RNF216: variants seen among roughly 807,000 people sequenced by gnomAD.
RNF216 encodes the protein ring finger protein 216, also known as E3 ubiquitin-protein ligase RNF216.
Under a neutral mutation model 110.8 loss-of-function variants are expected in RNF216, and 72 were observed. That is an observed-to-expected ratio of 0.65 (90% CI 0.54 to 0.79). The LOEUF is 0.79. Among genes scored for constraint, RNF216 ranks in the 30% least tolerant of loss-of-function variants. The pLI is 0.00. For missense variants in RNF216, 1,342 were observed against 1,141.2 expected, an observed-to-expected ratio of 1.18 and a Z score of -2.54; for synonymous variants, 495 against 407.5, an observed-to-expected ratio of 1.21 and a Z score of -2.59.
At chr7:5,755,628 G>A (rs1795594957) in intron 2 of RNF216, among the ~76,000 whole-genome samples, 1 of 152,162 alleles carries the variant, frequency 6.6e-6, no homozygotes, top group Admixed American at 6.5e-5. Flanking sequence ...CATCCATACT[G>A]CATGCTGTTA....
At chr7:5,686,396 A>G (rs767355627) in intron 13 of RNF216, among the ~76,000 whole-genome samples, 4 of 152,140 alleles carry the variant, frequency 2.6e-5, no homozygotes, top group Non-Finnish European at 5.9e-5. Context: ...GACAGAAAAC[A>G]GGATCCCCAT....
intron 13 of RNF216, among the ~76,000 whole-genome samples, chr7:5,664,687 A>C (rs1180550442): frequency 6.6e-6 from 1 of 152,200 alleles, no homozygotes; most frequent in Non-Finnish European, 1.5e-5. Context: ...GTTGCCGCCC[A>C]AGGGTAGGCT....
intron 13 of RNF216, among the ~76,000 whole-genome samples, chr7:5,672,401 T>A (rs1299383672): frequency 6.6e-6 from 1 of 152,210 alleles, no homozygotes; most frequent in Non-Finnish European, 1.5e-5. Flanking sequence ...TGGAGAGTTA[T>A]GTTTGTTAAA....
intron 13 of RNF216, among the ~76,000 whole-genome samples, chr7:5,660,771 T>C (rs1789067526): frequency 6.6e-6 from 1 of 150,918 alleles, no homozygotes; most frequent in South Asian, 2.1e-4. Context: ...GGTCTTGCCA[T>C]GTTGCCCAGG....
At position 5,708,751 on chromosome 7, in the gene RNF216, T is replaced by C. The variant is rs547477050; in HGVS notation, c.2061+3010A>G. Among the ~76,000 whole-genome samples the C allele has an allele frequency of 1.1e-4, 16 of 152,300 alleles. No individual in the cohort carries two copies. In the South Asian group the frequency reaches 3.3e-3, roughly 32 times the overall value. ...TGCTGTAAGCTGCCCAGCTCTTTTT[T>C]GGCCTCAGCAGCTCCAAGGCATCTA... On this transcript the variant is annotated intron_variant, in intron 13 of 16. Coordinates refer to ENST00000389902, the MANE Select transcript of RNF216 (RefSeq NM_207111.4).
At chr7:5,767,423 A>C (rs745396983) in intron 1 of RNF216, among the ~76,000 whole-genome samples, 5 of 152,246 alleles carry the variant, frequency 3.3e-5, no homozygotes, top group Non-Finnish European at 7.4e-5. Context: ...AAGGGACAAA[A>C]TTCCAGCAAG....
At chr7:5,648,878 C>T (rs975816428) in intron 14 of RNF216, among the ~76,000 whole-genome samples, 9 of 152,120 alleles carry the variant, frequency 5.9e-5, no homozygotes, top group African/African-American at 2.2e-4. Flanking sequence ...CCTGAACAAA[C>T]TAACTGCAGT....
chr7:5,678,953 G>C (rs1344759922), intron 13 of RNF216, among the ~76,000 whole-genome samples: 1 of 152,214 alleles, frequency 6.6e-6, no homozygotes, highest in African/African-American at 2.4e-5. Flanking sequence ...TGATCACACA[G>C]GGACTAGAAA....
chr7:5,726,552 C>A (rs1414976404), intron 7 of RNF216, among the ~76,000 whole-genome samples: 1 of 152,096 alleles, frequency 6.6e-6, no homozygotes. Flanking sequence ...TTTCCCTTAT[C>A]AGGATTTAAA....
Position 5,622,727 on chromosome 7 carries a change from TG to T in RNF216, c.*132del. ...AGCAGTAGCCCTTCTAGGAAAGGGG[TG>T]GGAAGAAAACCAGCCTACCCTTCAA... On this transcript the variant is annotated 3_prime_UTR_variant, in exon 17 of 17. Coordinates refer to ENST00000389902, the MANE Select transcript of RNF216 (RefSeq NM_207111.4). 1 of 845,260 alleles carries T rather than the reference TG, an allele frequency of 1.2e-6. No homozygotes were observed. The highest frequency in any genetic ancestry group is 1.8e-6 in the Non-Finnish European group (1 of 546,990). 52.4% of individuals were successfully genotyped at this position (845,260 alleles called of 1,614,324 possible).
intron 3 of RNF216, among the ~76,000 whole-genome samples, chr7:5,746,889 A>T (rs1377487744): frequency 6.6e-6 from 1 of 152,232 alleles, no homozygotes; most frequent in Non-Finnish European, 1.5e-5. Context: ...TCCAAATTAC[A>T]CGGAGAGAAC....
Position 5,715,128 on chromosome 7 carries a change from C to A in RNF216, c.1758G>T (p.Gln586His). The A allele has an allele frequency of 6.2e-7, 1 of 1,613,902 alleles. No homozygotes were observed. Among genetic ancestry groups the A allele is most frequent in the Non-Finnish European group, 8.5e-7 (1 of 1,179,952 alleles). Residue 586 changes from glutamine (Q) to histidine (H), a missense_variant, in exon 11 of 17, where the codon CAG becomes CAT. Transcript: ENST00000389902. ...YGEFPFEELT[Q>H]CADAHLFCKE... Reference sequence around the variant, plus strand: ...TGCAGAACAAGTGAGCATCTGCGCACTGCGTCAGCTCCTCGAATGGAAATT... The same window carrying A: ...TGCAGAACAAGTGAGCATCTGCGCAATGCGTCAGCTCCTCGAATGGAAATT...
intron 2 of RNF216, chr7:5,760,597 A>C (rs1308289740): frequency 1.0e-5 from 3 of 290,246 alleles, no homozygotes; most frequent in Non-Finnish European, 2.0e-5. Context: ...CTAAGCCAGA[A>C]TCTTCTGGCA....
intron 4 of RNF216, 36 bp downstream of exon 4, chr7:5,740,937 G>A: frequency 1.3e-6 from 2 of 1,509,826 alleles, no homozygotes; most frequent in Admixed American, 2.2e-5. Flanking sequence ...CTCAGTATAT[G>A]TAGTGTCTAC....
At chr7:5,687,394 C>CAAAAAAAAAAAAAAAAAAAAAAAA (rs372177142) in intron 13 of RNF216, among the ~76,000 whole-genome samples, 2 of 49,898 alleles carry the variant, frequency 4.0e-5, no homozygotes, top group African/African-American at 6.2e-5. Flanking sequence ...AACTCCACCT[C>CAAAAAAAAAAAAAAAAAAAAAAAA]AAAAAAAAAA....
intron 10 of RNF216, among the ~76,000 whole-genome samples, chr7:5,716,252 C>T (rs1793055715): frequency 6.6e-6 from 1 of 152,012 alleles, no homozygotes; most frequent in Non-Finnish European, 1.5e-5. Context: ...TGGCTCACAC[C>T]TGTTCCCAGC....
chr7:5,679,628 AAC>A (rs1790525032), intron 13 of RNF216, among the ~76,000 whole-genome samples: 1 of 152,238 alleles, frequency 6.6e-6, no homozygotes, highest in Admixed American at 6.5e-5. Context: ...GCGCTATGAC[AAC>A]AGACACAAAA....
At chr7:5,656,476 C>T (rs1247242183) in intron 13 of RNF216, among the ~76,000 whole-genome samples, 2 of 152,158 alleles carry the variant, frequency 1.3e-5, no homozygotes, top group African/African-American at 4.8e-5. Context: ...CACTTTCTAT[C>T]CCCTTGTGCC....
intron 13 of RNF216, among the ~76,000 whole-genome samples, chr7:5,668,573 A>G (rs951465974): frequency 1.3e-5 from 2 of 152,178 alleles, no homozygotes; most frequent in African/African-American, 4.8e-5. Flanking sequence ...TGTGACAAAA[A>G]GGGAAGCCTC....
Sources: allele counts gnomAD v4.1 joint callset (sites outside exome capture counted in the v4.1 genomes callset), GRCh38; gene constraint gnomAD v4.1.1; transcripts MANE v1.5; gene names NCBI Gene and HGNC (gene_info 2026-07-23, HGNC 2026-07-21).